DSC2: variants seen among roughly 807,000 people sequenced by gnomAD.
The protein encoded by DSC2 is desmocollin 2, also known as desmocollin-2.
In DSC2, 51 loss-of-function variants were observed where a neutral mutation model predicts 87.6. The ratio of observed to expected loss-of-function variants is 0.58; its 90% CI spans 0.46 to 0.74. DSC2 has a LOEUF of 0.74. Ranked by LOEUF, DSC2 falls within the 30% of genes least tolerant of loss-of-function variation. The probability of loss-of-function intolerance (pLI) is 0.00; values close to 1 mark genes in which losing one functional copy is unlikely to be tolerated. For missense variants in DSC2, 1,066 were observed against 1,089.5 expected (o/e 0.98, Z 0.30); for synonymous variants, 383 against 393.2 (o/e 0.97, Z 0.31).
At chr18:31,098,807 T>C (rs1283754322) in intron 1 of DSC2, among the ~76,000 whole-genome samples, 1 of 152,190 alleles carries the variant, frequency 6.6e-6, no homozygotes, top group Non-Finnish European at 1.5e-5. Flanking sequence ...GTCCTACTGA[T>C]ACACCTGCCC....
At chr18:31,095,093 A>G (rs942148826) in intron 1 of DSC2, among the ~76,000 whole-genome samples, 24 of 152,370 alleles carry the variant, frequency 1.6e-4, no homozygotes, top group Admixed American at 1.2e-3. Context: ...CGAGAGATAA[A>G]TGTCACGACA....
At chr18:31,077,334 G>A (rs558619715) in intron 11 of DSC2, among the ~76,000 whole-genome samples, 8 of 152,228 alleles carry the variant, frequency 5.3e-5, no homozygotes, top group African/African-American at 1.7e-4. Flanking sequence ...TGAAAATTGG[G>A]ACTGCTGGTT....
At chr18:31,083,134 A>G in intron 7 of DSC2, 74 bp from the exon 8 acceptor site, 2 of 1,537,152 alleles carry the variant, frequency 1.3e-6, no homozygotes, top group African/African-American at 1.4e-5. Context: ...TTTACACTCC[A>G]TAATTTTTTT....
intron 15 of DSC2, 159 bp from the exon 16 acceptor site, chr18:31,068,371 G>C: frequency 6.2e-7 from 1 of 1,607,124 alleles, no homozygotes; most frequent in Non-Finnish European, 8.5e-7. Flanking sequence ...CACATGATTG[G>C]TCTGTTTCAT....
chr18:31,080,936 GA>G (rs550247215), intron 9 of DSC2, among the ~76,000 whole-genome samples: 15 of 146,292 alleles, frequency 1.0e-4, no homozygotes, highest in East Asian at 9.9e-4. Context: ...GGTAAAGCTG[GA>G]AAAAAAAAAG....
chr18:31,089,619 G>A, intron 4 of DSC2, 25 bp from the exon 5 acceptor site: 2 of 1,605,528 alleles, frequency 1.2e-6, no homozygotes, highest in Non-Finnish European at 1.7e-6. Flanking sequence ...TTATATACAT[G>A]AGACAAATCT....
chr18:31,092,638 T>C (rs566914035), intron 2 of DSC2, among the ~76,000 whole-genome samples: 5 of 152,260 alleles, frequency 3.3e-5, no homozygotes, highest in African/African-American at 1.2e-4. Context: ...ACACCTGAAG[T>C]TATACAGAAT....
intron 1 of DSC2, among the ~76,000 whole-genome samples, chr18:31,097,681 T>C (rs914788657): frequency 6.6e-6 from 1 of 151,838 alleles, no homozygotes; most frequent in Non-Finnish European, 1.5e-5. Context: ...TACTGGCATA[T>C]GAATAGAATG....
chr18:31,091,674 A>G, intron 3 of DSC2: 1 of 454,058 alleles, frequency 2.2e-6, no homozygotes, highest in Non-Finnish European at 4.4e-6. Context: ...GTCACAACAC[A>G]ATAGCATGCA....
At position 31,101,830 on chromosome 18, in the gene DSC2, C is replaced by T; in HGVS notation, c.69+73G>A. On this transcript the variant is annotated intron_variant, in intron 1 of 15. Transcript: ENST00000280904. ...TTTTCCCGCCACCCCCACCTATCCC[C>T]GTTCCCCTAGTTTTCCTCTGCACCC... The T allele has an allele frequency of 1.4e-6, 2 of 1,460,862 alleles. 1 individual carries two copies. The highest frequency in any genetic ancestry group is 2.5e-5 in the South Asian group (2 of 79,508). 90.5% of individuals were successfully genotyped at this position (1,460,862 alleles called of 1,614,324 possible).
In DSC2 at chr18:31,091,061, G is replaced by A. The variant is rs2144843142; in HGVS notation, c.441C>T (p.Asn147=). ...GGAAAAGTGGAAAAGGACCCAAGGA[G>A]TTTTCTAGCATCGAACAAGGAATTG... The part of the protein sequence containing the change: ...WAPIPCSMLE[N]SLGPFPLFLQ... Residue 147 remains asparagine, a synonymous_variant, in exon 4 of 16, where the codon AAC becomes AAT. Transcript: ENST00000280904. 3 of 1,614,040 alleles carry A rather than the reference G, an allele frequency of 1.9e-6. No homozygotes were observed. The highest frequency in any genetic ancestry group is 2.5e-6 in the Non-Finnish European group (3 of 1,179,936).
intron 5 of DSC2, 53 bp from the exon 6 acceptor site, chr18:31,087,866 G>C (rs1210554465): frequency 6.3e-7 from 1 of 1,587,424 alleles, no homozygotes; most frequent in Non-Finnish European, 8.6e-7. Flanking sequence ...TTAAAATGAG[G>C]TATGCTTCAA....
chr18:31,089,481 A>G lies in DSC2; in HGVS notation c.588T>C (p.Tyr196=), dbSNP rs1987518239. 6.2e-7 allele frequency: 1 copy of G among 1,613,930 alleles called. No homozygotes were observed. The highest frequency in any genetic ancestry group is 1.3e-5 in the African/African-American group (1 of 75,042). The change falls in exon 5 of 16, where the codon TAT becomes TAC. Residue 196 remains tyrosine (Y), a synonymous_variant. Transcript: ENST00000280904. The part of the protein sequence containing the change: ...FYVERDTGNL[Y]CTRPVDREQY... ...GCTCACGATCTACAGGACGAGTACA[A>G]TACAAGTTTCCAGTGTCTCTCTCCA...
At chr18:31,080,454 T>G in intron 9 of DSC2, 102 bp from the exon 10 acceptor site, 2 of 1,389,580 alleles carry the variant, frequency 1.4e-6, no homozygotes, top group Non-Finnish European at 2.0e-6. Context: ...TTAAGTGTCA[T>G]GTTGGGAATA....
chr18:31,082,669 T>G (rs1405988910), intron 8 of DSC2, among the ~76,000 whole-genome samples: 1 of 152,178 alleles, frequency 6.6e-6, no homozygotes, highest in Admixed American at 6.5e-5. Flanking sequence ...GCGATTCTCC[T>G]GCCTCAGCTT....
Position 31,059,783 on chromosome 18 carries a change from C to T in DSC2, c.*8232G>A, listed in dbSNP as rs995171826. On this transcript the variant is annotated 3_prime_UTR_variant, in exon 16 of 16. Transcript: ENST00000280904. The stretch of plus-strand genomic sequence containing the variant: ...GGAAACCTATCCTAGTTTTAAAATA[C>T]TACTATAGTTTATGTCTTTTCCCAT... The T allele has an allele frequency of 6.6e-6, 1 of 152,110 alleles. No homozygotes were observed. The highest frequency in any genetic ancestry group is 1.5e-5 in the Non-Finnish European group (1 of 68,016). The allele number at this position is 152,110 out of a possible 1,614,324, so 9.4% of individuals were successfully genotyped here. A position where few individuals can be genotyped will look rare whatever the true frequency, so the allele number is the denominator to read the frequency against.
At chr18:31,093,257 A>T (rs867290666) in intron 2 of DSC2, among the ~76,000 whole-genome samples, 1 of 152,182 alleles carries the variant, frequency 6.6e-6, no homozygotes, top group Non-Finnish European at 1.5e-5. Context: ...TATTAAACTC[A>T]GCATGCATTA....
In DSC2 at chr18:31,063,046, T is replaced by C. The variant is rs933805586; in HGVS notation, c.*4969A>G. 2 of 152,260 alleles carry C rather than the reference T, an allele frequency of 1.3e-5. No individual in the cohort carries two copies. Among genetic ancestry groups the C allele is most frequent in the Non-Finnish European group, 2.9e-5 (2 of 68,008 alleles). 9.4% of individuals were successfully genotyped at this position (152,260 alleles called of 1,614,324 possible). ...GCAATATAATTTGATGAATCAAAAT[T>C]TGGCCAGGCACAGTGGCTTATGCCT... On this transcript the variant is annotated 3_prime_UTR_variant, in exon 16 of 16. Coordinates refer to ENST00000280904, the MANE Select transcript of DSC2 (RefSeq NM_024422.6).
At chr18:31,098,638 A>C (rs1237093583) in intron 1 of DSC2, among the ~76,000 whole-genome samples, 1 of 151,610 alleles carries the variant, frequency 6.6e-6, no homozygotes, top group Non-Finnish European at 1.5e-5. Context: ...TATTTTTTGT[A>C]GAGAAGGGGT....
Sources: gnomAD v4.1 joint callset for allele counts (sites outside exome capture counted in the v4.1 genomes callset) on GRCh38, gnomAD v4.1.1 for gene constraint, MANE v1.5 for transcripts, NCBI Gene and HGNC (gene_info 2026-07-23, HGNC 2026-07-21) for gene names.